AFG1L: variants seen among roughly 807,000 people sequenced by gnomAD.
AFG1L encodes AFG1 like ATPase.
In AFG1L, 53 loss-of-function variants were observed where a neutral mutation model predicts 62.2. The ratio of observed to expected loss-of-function variants is 0.85; its 90% CI spans 0.68 to 1.07. The LOEUF is 1.07. AFG1L is among the 50% of genes least tolerant of loss of function. The pLI, the probability that AFG1L is intolerant of heterozygous loss-of-function variation, is 0.00. For synonymous variants in AFG1L, 228 were observed against 210.3 expected (o/e 1.08, Z -0.73); for missense variants, 555 against 590.5 (o/e 0.94, Z 0.62).
At chr6:108,382,667 G>A (rs766039054) in intron 6 of AFG1L, among the ~76,000 whole-genome samples, 5 of 152,170 alleles carry the variant, frequency 3.3e-5, no homozygotes, top group Non-Finnish European at 7.3e-5. Context: ...TAGTTAAAAA[G>A]TCTGAATTAT....
chr6:108,355,751 C>T lies in AFG1L; in HGVS notation c.513C>T (p.His171=). 6.3e-7 allele frequency: 1 copy of T among 1,592,656 alleles called. No individual in the cohort carries two copies. The highest frequency in any genetic ancestry group is 1.1e-5 in the South Asian group (1 of 87,370). The change falls in exon 4 of 13, where the codon CAC becomes CAT. Residue 171 remains histidine (H), a synonymous_variant. Coordinates refer to ENST00000368977, the MANE Select transcript of AFG1L (RefSeq NM_145315.5). The part of the protein sequence containing the change: ...VHFHGFMLDV[H]KRIHRLKQSL... The stretch of plus-strand genomic sequence containing the variant: ...TTCATGGTTTCATGCTAGATGTGCA[C>T]AAAAGTAAGCAATGATCTGAAAGAA...
intron 11 of AFG1L, among the ~76,000 whole-genome samples, chr6:108,511,124 AAGG>A (rs552164631): frequency 0.012 from 1,724 of 148,498 alleles, 30 homozygotes; most frequent in African/African-American, 0.032. Context: ...GAAGAAGTAG[AAGG>A]AGGAGGAGGA....
At chr6:108,519,239 G>A (rs999146878) in intron 11 of AFG1L, among the ~76,000 whole-genome samples, 11 of 152,256 alleles carry the variant, frequency 7.2e-5, no homozygotes, top group African/African-American at 2.6e-4. Context: ...TAAAGGCACC[G>A]AATCCCATGC....
chr6:108,523,980 G>GA lies in AFG1L; in HGVS notation c.*1558dup, dbSNP rs1775226265. 1 of 151,976 alleles carries GA rather than the reference G, an allele frequency of 6.6e-6. No individual in the cohort carries two copies. Among genetic ancestry groups the GA allele is most frequent in the Non-Finnish European group, 1.5e-5 (1 of 67,928 alleles). The allele number at this position is 151,976 out of a possible 1,614,324, so 9.4% of individuals were successfully genotyped here. ...AGCTCAGTTAAAAAAAATAGTCTTA[G>GA]AAAGTGAATATTATAACCCCTGTTT... On this transcript the variant is annotated 3_prime_UTR_variant, in exon 13 of 13. Coordinates refer to ENST00000368977, the MANE Select transcript of AFG1L (RefSeq NM_145315.5).
Position 108,352,222 on chromosome 6 carries a change from A to G in AFG1L, c.416-3432A>G, listed in dbSNP as rs113477244. On this transcript the variant is annotated intron_variant, in intron 3 of 12. Transcript: ENST00000368977. ...GAATTTGATTATTCTTCAGTACCTT[A>G]TATAAATGGAATCATATAATATTTG... is the stretch of plus-strand genomic sequence containing the variant. 5.1e-3 allele frequency among the ~76,000 whole-genome samples: 771 copies of G among 152,310 alleles called. 4 individuals are homozygous for G. Among genetic ancestry groups the G allele is most frequent in the Middle Eastern group, 0.024 (7 of 294 alleles).
At chr6:108,433,409 A>AG in intron 7 of AFG1L, among the ~76,000 whole-genome samples, 1 of 151,038 alleles carries the variant, frequency 6.6e-6, no homozygotes, top group South Asian at 2.1e-4. Context: ...CTTCCCAAGT[A>AG]GCTGGTACTG....
chr6:108,445,635 A>T (rs1434574712), intron 7 of AFG1L, among the ~76,000 whole-genome samples: 2 of 22,896 alleles, frequency 8.7e-5, no homozygotes, highest in African/African-American at 4.0e-4. Context: ...ACCTAAGGTG[A>T]GAGAGAGAGA....
At chr6:108,369,992 T>TA (rs1210696013) in intron 6 of AFG1L, among the ~76,000 whole-genome samples, 29 of 123,746 alleles carry the variant, frequency 2.3e-4, no homozygotes, top group African/African-American at 7.5e-4. Context: ...ATCTATCTTT[T>TA]AAAATAGAAC....
intron 3 of AFG1L, among the ~76,000 whole-genome samples, chr6:108,355,186 C>T (rs1357934798): frequency 6.6e-6 from 1 of 151,668 alleles, no homozygotes; most frequent in Non-Finnish European, 1.5e-5. Flanking sequence ...GGCAATTCTC[C>T]CATCTTGGCC....
At chr6:108,336,203 T>C (rs907328223) in intron 2 of AFG1L, among the ~76,000 whole-genome samples, 1 of 152,216 alleles carries the variant, frequency 6.6e-6, no homozygotes, top group Non-Finnish European at 1.5e-5. Context: ...TTTTAAAAGA[T>C]GTAATTATGC....
chr6:108,322,802 C>T (rs907257592), intron 1 of AFG1L, among the ~76,000 whole-genome samples: 1 of 152,144 alleles, frequency 6.6e-6, no homozygotes, highest in African/African-American at 2.4e-5. Context: ...AAAAATGTGC[C>T]AGGTTGCTGC....
At chr6:108,478,534 A>G (rs1474022185) in intron 10 of AFG1L, among the ~76,000 whole-genome samples, 3 of 152,220 alleles carry the variant, frequency 2.0e-5, no homozygotes, top group Non-Finnish European at 4.4e-5. Flanking sequence ...AGTGAAAGTC[A>G]TTCTGGGTGA....
At chr6:108,360,186 G>A (rs1358571554) in intron 5 of AFG1L, among the ~76,000 whole-genome samples, 5 of 152,180 alleles carry the variant, frequency 3.3e-5, no homozygotes, top group African/African-American at 9.7e-5. Context: ...ATATAAGGTA[G>A]TGTCATTTTC....
chr6:108,442,942 A>G (rs1276096984), intron 7 of AFG1L, among the ~76,000 whole-genome samples: 5 of 152,194 alleles, frequency 3.3e-5, no homozygotes. Flanking sequence ...CCCTGGATGC[A>G]GATGATAAAC....
At chr6:108,369,943 G>GATCTAT (rs1562113955) in intron 6 of AFG1L, among the ~76,000 whole-genome samples, 879 of 62,376 alleles carry the variant, frequency 0.014, 6 homozygotes, top group South Asian at 0.033. Context: ...TGGCTGGCTG[G>GATCTAT]CTGGCTATCT....
chr6:108,480,724 G>C (rs963992842), intron 10 of AFG1L, among the ~76,000 whole-genome samples: 3 of 152,158 alleles, frequency 2.0e-5, no homozygotes, highest in African/African-American at 7.2e-5. Flanking sequence ...TTTGAACCCA[G>C]GAGGTGGAGG....
intron 8 of AFG1L, 69 bp from the exon 9 acceptor site, chr6:108,476,796 C>A: frequency 8.9e-7 from 1 of 1,121,954 alleles, no homozygotes; most frequent in East Asian, 2.3e-5. Context: ...GCTAAGCAGT[C>A]TCAGGCAGCT....
intron 10 of AFG1L, among the ~76,000 whole-genome samples, chr6:108,507,620 A>C (rs1046153553): frequency 6.6e-6 from 1 of 152,264 alleles, no homozygotes; most frequent in Admixed American, 6.5e-5. Context: ...ACATCCATGC[A>C]TAACGAGTGA....
intron 1 of AFG1L, among the ~76,000 whole-genome samples, chr6:108,316,942 A>T (rs900642845): frequency 1.3e-5 from 2 of 152,222 alleles, no homozygotes; most frequent in African/African-American, 2.4e-5. Context: ...TTTAAAATCC[A>T]TTATTAATTT....
Sources: allele counts gnomAD v4.1 joint callset (sites outside exome capture counted in the v4.1 genomes callset), GRCh38; gene constraint gnomAD v4.1.1; transcripts MANE v1.5; gene names NCBI Gene and HGNC (gene_info 2026-07-23, HGNC 2026-07-21).